Variants in ZNF462 observed in about 807,000 individuals in gnomAD.
The protein encoded by ZNF462 is zinc finger PBX1-interacting protein.
A neutral mutation model predicts 201.9 loss-of-function variants in ZNF462; 10 were observed. The ratio of observed to expected loss-of-function variants is 0.05; its 90% CI spans 0.03 to 0.08. The LOEUF is 0.08. Ranked by LOEUF, ZNF462 falls within the 10% of genes least tolerant of loss-of-function variation. The pLI is 1.00. For missense variants in ZNF462, 2,523 were observed against 3,168.3 expected (o/e 0.80, Z 4.89); for synonymous variants, 1,227 against 1,193.3 (o/e 1.03, Z -0.58).
At chr9:106,877,632 G>A (rs950954100) in intron 1 of ZNF462, among the ~76,000 whole-genome samples, 1 of 151,964 alleles carries the variant, frequency 6.6e-6, no homozygotes, top group African/African-American at 2.4e-5. Flanking sequence ...TGCCCACCTC[G>A]GCCTCCCAAA....
chr9:106,917,939 C>T lies in ZNF462; in HGVS notation c.-30-5415C>T, dbSNP rs528110864. ...CCACCCAGGCTGGAGTGCAGTGGCG[C>T]GATCTCGGCTCACTGCAACCTTCTT... On this transcript the variant is annotated intron_variant, in intron 1 of 12. Transcript: ENST00000277225. This position sits in a 1 kb window ranked among gnomAD's most constrained non-coding sequence, Gnocchi z 4.5. Among the ~76,000 whole-genome samples the T allele has an allele frequency of 2.6e-4, 40 of 151,646 alleles. No homozygotes were observed. In the South Asian group the frequency reaches 2.7e-3, roughly 10 times the overall value.
At chr9:106,992,475 T>G (rs1828363682) in intron 10 of ZNF462, among the ~76,000 whole-genome samples, 1 of 152,088 alleles carries the variant, frequency 6.6e-6, no homozygotes, top group African/African-American at 2.4e-5. Flanking sequence ...ATCTGACCTA[T>G]CCTACCTTCA....
chr9:106,914,988 A>G (rs1212571669), intron 1 of ZNF462, among the ~76,000 whole-genome samples: 2 of 152,178 alleles, frequency 1.3e-5, no homozygotes, highest in African/African-American at 4.8e-5. Flanking sequence ...CTTAGAAAAT[A>G]TGAGAAGAAA....
intron 1 of ZNF462, among the ~76,000 whole-genome samples, chr9:106,864,421 C>T (rs1009303852): frequency 2.0e-5 from 3 of 152,128 alleles, no homozygotes; most frequent in Admixed American, 6.5e-5. Context: ...GGGGTCTGCC[C>T]TCCTTCCAGG....
At position 107,008,117 on chromosome 9, in the gene ZNF462, A is replaced by G. The variant is rs1252773829; in HGVS notation, c.7190-1428A>G. On this transcript the variant is annotated intron_variant, in intron 11 of 12. Coordinates refer to ENST00000277225, the MANE Select transcript of ZNF462 (RefSeq NM_021224.6). The surrounding 1 kb of genome is among the most constrained non-coding windows in gnomAD (Gnocchi z 4.8). ...GGCATGAAGAAATCAAAATTAACCC[A>G]AGCAGAATCCTCCCCACCCCCCTCT... Among the ~76,000 whole-genome samples, 1 of 152,016 alleles carries G rather than the reference A, an allele frequency of 6.6e-6. No individual in the cohort carries two copies. The highest frequency in any genetic ancestry group is 1.9e-4 in the East Asian group (1 of 5,168).
In ZNF462 at chr9:106,919,916, TTTAG is replaced by T. The variant is rs539448243; in HGVS notation, c.-30-3431_-30-3428del. 1.4e-3 allele frequency among the ~76,000 whole-genome samples: 210 copies of T among 152,342 alleles called. 2 individuals carry two copies. The highest frequency in any genetic ancestry group is 4.9e-3 in the African/African-American group (202 of 41,584). On this transcript the variant is annotated intron_variant, in intron 1 of 12. Transcript: ENST00000277225. This position sits in a 1 kb window ranked among gnomAD's most constrained non-coding sequence, Gnocchi z 4.5. ...TCATGACCTTTTGAAATAGACTCTT[TTTAG>T]TTAGTTCAGAAACTTCCTCTTTTAC...
rs932188889 is a variant in ZNF462 at position 106,917,540 on chromosome 9, A to G, written c.-30-5814A>G. On this transcript the variant is annotated intron_variant, in intron 1 of 12. Transcript: ENST00000277225. The surrounding 1 kb of genome is among the most constrained non-coding windows in gnomAD (Gnocchi z 4.5). ...ACTTCAGTCTCATATTGGGGGTTAC[A>G]TATGTGATTGCAAATTAATCCTTTC... Among the ~76,000 whole-genome samples the G allele has an allele frequency of 2.0e-5, 3 of 152,204 alleles. No individual in the cohort carries two copies. The highest frequency in any genetic ancestry group is 7.2e-5 in the African/African-American group (3 of 41,458).
intron 10 of ZNF462, among the ~76,000 whole-genome samples, chr9:106,992,790 T>C (rs1828384865): frequency 6.6e-6 from 1 of 152,084 alleles, no homozygotes; most frequent in Non-Finnish European, 1.5e-5. Context: ...TTCTTAAACA[T>C]CATTGAGTTG....
In ZNF462 at chr9:106,930,394, C is replaced by T. The variant is rs775312617; in HGVS notation, c.5848-131C>T. On this transcript the variant is annotated intron_variant, in intron 3 of 12. Coordinates refer to ENST00000277225, the MANE Select transcript of ZNF462 (RefSeq NM_021224.6). This position sits in a 1 kb window ranked among gnomAD's most constrained non-coding sequence, Gnocchi z 5.8. ...GACAAATTTGTTATATAAAAATACT[C>T]GCCTATATCTCCCTTGGTTTTTAAC... 76 of 1,176,348 alleles carry T rather than the reference C, an allele frequency of 6.5e-5. No homozygotes were observed. The African/African-American group carries it at 8.2e-4, about 13-fold the overall frequency. 72.9% of individuals were successfully genotyped at this position (1,176,348 alleles called of 1,614,324 possible).
intron 7 of ZNF462, among the ~76,000 whole-genome samples, chr9:106,946,559 G>A (rs1315203868): frequency 6.6e-6 from 1 of 152,166 alleles, no homozygotes; most frequent in African/African-American, 2.4e-5. Context: ...GGGTATTTGA[G>A]TTGGGAGAAG....
chr9:106,974,003 G>A lies in ZNF462; in HGVS notation c.6696-134G>A, dbSNP rs557788925. ...TTTCTGGGTGGTCAACAAACATGAT[G>A]AACAGATTTTTTTTTAGCCCCACAA... is the stretch of plus-strand genomic sequence containing the variant. On this transcript the variant is annotated intron_variant, in intron 8 of 12. Transcript: ENST00000277225. The surrounding 1 kb of genome is among the most constrained non-coding windows in gnomAD (Gnocchi z 4.0). 1.1e-5 allele frequency: 13 copies of A among 1,199,962 alleles called. No homozygotes were observed. In the African/African-American group the frequency reaches 1.5e-4, roughly 14 times the overall value. 74.3% of individuals were successfully genotyped at this position (1,199,962 alleles called of 1,614,324 possible). A position where few individuals can be genotyped will look rare whatever the true frequency, so the allele number is the denominator to read the frequency against.
rs2132749663 is a variant in ZNF462, at chr9:107,008,260, A to G, written c.7190-1285A>G. Among the ~76,000 whole-genome samples, 1 of 152,354 alleles carries G rather than the reference A, an allele frequency of 6.6e-6. No individual in the cohort carries two copies. The highest frequency in any genetic ancestry group is 2.4e-5 in the African/African-American group (1 of 41,590). Reference sequence around the variant, plus strand: ...TGCTGTCTCATTTCCAATGAAAAGAATCAAGGAAGATAGTCTGTGCAATTA... The same window carrying G: ...TGCTGTCTCATTTCCAATGAAAAGAGTCAAGGAAGATAGTCTGTGCAATTA... On this transcript the variant is annotated intron_variant, in intron 11 of 12. Transcript: ENST00000277225. This position sits in a 1 kb window ranked among gnomAD's most constrained non-coding sequence, Gnocchi z 4.8.
intron 7 of ZNF462, among the ~76,000 whole-genome samples, chr9:106,955,705 A>T (rs920173344): frequency 8.5e-5 from 13 of 152,214 alleles, no homozygotes; most frequent in African/African-American, 3.1e-4. Context: ...CCACTACTTT[A>T]TCAGCTAAGT....
chr9:106,928,267 C>T lies in ZNF462; in HGVS notation c.4355C>T (p.Pro1452Leu). 6.2e-7 allele frequency: 1 copy of T among 1,613,862 alleles called. No homozygotes were observed. Among genetic ancestry groups the T allele is most frequent in the African/African-American group, 1.3e-5 (1 of 74,992 alleles). ...AECPEDARLSPEKSLQLASAN... is the reference protein window; with the variant it reads ...AECPEDARLSLEKSLQLASAN... ...TGTCCAGAGGATGCAAGACTGTCCC[C>T]TGAGAAAAGCCTGCAGCTAGCTTCA... Residue 1452 changes from proline to leucine, a missense_variant, in exon 3 of 13, where the codon CCT (proline) becomes CTT (leucine). Around this residue, in one of 15 missense-constraint regions of ZNF462, gnomAD observed 165 missense variants for 142.6 expected, o/e 1.16. Coordinates refer to ENST00000277225, the MANE Select transcript of ZNF462 (RefSeq NM_021224.6). The surrounding 1 kb of genome is among the most constrained non-coding windows in gnomAD (Gnocchi z 9.3).
intron 10 of ZNF462, among the ~76,000 whole-genome samples, chr9:107,001,220 C>G (rs1164139238): frequency 6.6e-6 from 1 of 152,094 alleles, no homozygotes; most frequent in African/African-American, 2.4e-5. Flanking sequence ...CCCACTTTTC[C>G]TGAAAAACTA....
rs1830462560 is a variant in ZNF462 at position 106,932,451 on chromosome 9, G to A, written c.6018G>A (p.Leu2006=). The change falls in exon 5 of 13, where the codon CTG becomes CTA. Residue 2006 remains leucine (L), a synonymous_variant. Coordinates refer to ENST00000277225, the MANE Select transcript of ZNF462 (RefSeq NM_021224.6). This position sits in a 1 kb window ranked among gnomAD's most constrained non-coding sequence, Gnocchi z 6.8. ...VPAVSAAVKG[L]RSHERSHLAL... ...GAGTCCTGATGTCCATGCAGGGGCTGCGTTCTCATGAGAGGAGCCACCTGG... is the reference window on the plus strand; with the variant it reads ...GAGTCCTGATGTCCATGCAGGGGCTACGTTCTCATGAGAGGAGCCACCTGG... 6.2e-7 allele frequency: 1 copy of A among 1,614,138 alleles called. No individual in the cohort carries two copies. Among genetic ancestry groups the A allele is most frequent in the South Asian group, 1.1e-5 (1 of 91,092 alleles).
chr9:106,874,825 G>A (rs1827756625), intron 1 of ZNF462, among the ~76,000 whole-genome samples: 1 of 152,154 alleles, frequency 6.6e-6, no homozygotes, highest in Non-Finnish European at 1.5e-5. Flanking sequence ...CTGCCCCATG[G>A]TTGACTCAGT....
chr9:106,881,066 AT>A (rs775967842), intron 1 of ZNF462, among the ~76,000 whole-genome samples: 14 of 152,284 alleles, frequency 9.2e-5, no homozygotes, highest in Middle Eastern at 3.4e-3. Context: ...AGGCCTTGGC[AT>A]GCTTCGCCAG....
intron 7 of ZNF462, among the ~76,000 whole-genome samples, chr9:106,951,582 G>T (rs1831350138): frequency 6.6e-6 from 1 of 152,142 alleles, no homozygotes; most frequent in South Asian, 2.1e-4. Flanking sequence ...GCCATATAAA[G>T]CCACTGTTAA....
Sources: gnomAD v4.1 joint callset for allele counts (sites outside exome capture counted in the v4.1 genomes callset) on GRCh38, gnomAD v4.1.1 for gene constraint, gnomAD v4.1.1 regional missense constraint, Gnocchi (gnomAD v3.1) non-coding constraint, MANE v1.5 for transcripts, NCBI Gene and HGNC (gene_info 2026-07-23, HGNC 2026-07-21) for gene names.